Variants in ITPRID1 observed in about 807,000 individuals in gnomAD.
ITPRID1 encodes ITPR interacting domain containing 1, also known as protein ITPRID1.
In ITPRID1, 96 loss-of-function variants were observed where a neutral mutation model predicts 95.4. The observed-to-expected ratio is 1.01, with a 90% CI of 0.85 to 1.19. The LOEUF is 1.19. Among genes scored for constraint, ITPRID1 ranks in the 50% most tolerant of loss-of-function variants. The pLI is 0.00. For missense variants in ITPRID1, 1,339 were observed against 1,252.9 expected, an observed-to-expected ratio of 1.07 and a Z score of -1.04; for synonymous variants, 510 against 453.6, an observed-to-expected ratio of 1.12 and a Z score of -1.58.
At chr7:31,614,824 T>A (rs913678989) in intron 10 of ITPRID1, among the ~76,000 whole-genome samples, 1 of 152,116 alleles carries the variant, frequency 6.6e-6, no homozygotes, top group East Asian at 1.9e-4. Context: ...TTGAAATTAC[T>A]TCAGAAACAG....
chr7:31,621,088 C>T (rs1787833565), intron 10 of ITPRID1, among the ~76,000 whole-genome samples: 2 of 151,840 alleles, frequency 1.3e-5, no homozygotes, highest in Admixed American at 6.6e-5. Context: ...GCAAAGCCTC[C>T]AAGAAATATG....
chr7:31,574,804 C>A, intron 8 of ITPRID1, 62 bp downstream of exon 8: 1 of 1,442,858 alleles, frequency 6.9e-7, no homozygotes, highest in Non-Finnish European at 9.7e-7. Context: ...AGGTGGGCCA[C>A]AGTGTAGGCG....
chr7:31,531,331 T>G (rs10232788), intron 1 of ITPRID1, among the ~76,000 whole-genome samples: 88,504 of 151,726 alleles, frequency 0.58, 26,939 homozygotes, highest in Middle Eastern at 0.71. Context: ...GAGTACAAAA[T>G]AAAATATTTT....
At chr7:31,586,525 C>G (rs12333865) in intron 10 of ITPRID1, among the ~76,000 whole-genome samples, 2 of 150,626 alleles carry the variant, frequency 1.3e-5, no homozygotes, top group African/African-American at 4.9e-5. Flanking sequence ...TTTTAATGAT[C>G]GCCATTCTAA....
intron 1 of ITPRID1, among the ~76,000 whole-genome samples, chr7:31,534,499 G>A (rs1783698186): frequency 6.6e-6 from 1 of 152,044 alleles, no homozygotes; most frequent in South Asian, 2.1e-4. Flanking sequence ...CTTTTGTTAT[G>A]ATAACATTGC....
At chr7:31,560,509 G>T (rs1784589041) in intron 5 of ITPRID1, among the ~76,000 whole-genome samples, 1 of 152,210 alleles carries the variant, frequency 6.6e-6, no homozygotes, top group South Asian at 2.1e-4. Flanking sequence ...CAGTAATCCA[G>T]AGGAGAGAGG....
chr7:31,644,544 G>A lies in ITPRID1; in HGVS notation c.2583+591G>A, dbSNP rs546345432. On this transcript the variant is annotated intron_variant, in intron 12 of 14. Coordinates refer to ENST00000615280, the MANE Select transcript of ITPRID1 (RefSeq NM_001257967.3). ...GACTGTTTTACATTGTTCAGGTCTTGAACTTAGAGCTTCCCACGTCAAATA... is the reference window on the plus strand; with the variant it reads ...GACTGTTTTACATTGTTCAGGTCTTAAACTTAGAGCTTCCCACGTCAAATA... Among the ~76,000 whole-genome samples, 3 of 152,266 alleles carry A rather than the reference G, an allele frequency of 2.0e-5. No individual in the cohort carries two copies. The South Asian group carries it at 6.2e-4, about 32-fold the overall frequency.
intron 10 of ITPRID1, among the ~76,000 whole-genome samples, chr7:31,617,602 T>C (rs533791907): frequency 5.9e-5 from 9 of 152,040 alleles, no homozygotes; most frequent in African/African-American, 2.2e-4. Flanking sequence ...ACAGCAGCTC[T>C]TTAGAGACAA....
At chr7:31,617,608 G>A (rs1787381262) in intron 10 of ITPRID1, among the ~76,000 whole-genome samples, 1 of 151,038 alleles carries the variant, frequency 6.6e-6, no homozygotes, top group South Asian at 2.1e-4. Flanking sequence ...GCTCTTTAGA[G>A]ACAACTTTTA....
intron 5 of ITPRID1, 190 bp downstream of exon 5, chr7:31,555,091 A>G (rs970215388): frequency 3.6e-5 from 20 of 561,218 alleles, no homozygotes; most frequent in African/African-American, 3.4e-4. Flanking sequence ...CTTCCCCAGC[A>G]GCAGGTTAAG....
intron 1 of ITPRID1, among the ~76,000 whole-genome samples, chr7:31,522,589 A>G (rs1394019029): frequency 6.6e-6 from 1 of 152,190 alleles, no homozygotes; most frequent in Non-Finnish European, 1.5e-5. Context: ...CATTCTTTCG[A>G]GGATCCTTTT....
At chr7:31,535,000 T>C (rs921413019) in intron 1 of ITPRID1, among the ~76,000 whole-genome samples, 5 of 152,140 alleles carry the variant, frequency 3.3e-5, no homozygotes, top group Non-Finnish European at 7.4e-5. Flanking sequence ...TCTACAATGA[T>C]GGAAACATTC....
intron 10 of ITPRID1, among the ~76,000 whole-genome samples, chr7:31,590,283 G>A (rs1297569010): frequency 6.6e-6 from 1 of 152,106 alleles, no homozygotes; most frequent in Non-Finnish European, 1.5e-5. Context: ...GAATTAGTAA[G>A]AGACAGACTG....
chr7:31,525,696 G>A (rs1375003166), intron 1 of ITPRID1, among the ~76,000 whole-genome samples: 1 of 152,076 alleles, frequency 6.6e-6, no homozygotes, highest in Non-Finnish European at 1.5e-5. Flanking sequence ...AACTCTAAGG[G>A]GGGAAATACA....
chr7:31,631,183 A>G (rs1788957407), intron 10 of ITPRID1, among the ~76,000 whole-genome samples: 1 of 152,226 alleles, frequency 6.6e-6, no homozygotes, highest in Admixed American at 6.5e-5. Context: ...GCGGAAGAGC[A>G]GATAAAAAAA....
At chr7:31,650,673 A>G (rs1331343946) in intron 12 of ITPRID1, among the ~76,000 whole-genome samples, 1 of 152,172 alleles carries the variant, frequency 6.6e-6, no homozygotes, top group Non-Finnish European at 1.5e-5. Flanking sequence ...AGACTAATAA[A>G]CATTATTCTA....
chr7:31,642,691 T>G lies in ITPRID1; in HGVS notation c.1321T>G (p.Leu441Val), dbSNP rs1217059723. 1.2e-6 allele frequency: 2 copies of G among 1,613,248 alleles called. No individual in the cohort carries two copies. Among genetic ancestry groups the G allele is most frequent in the East Asian group, 4.5e-5 (2 of 44,862 alleles). ...LEPLPLQMPS[L>V]PNSQSPAENG... ...CTGGTTTCCCCTACAGATGCCTTCC[T>G]TGCCAAACAGCCAGAGTCCTGCTGA... The change falls in exon 12 of 15, where the codon TTG (leucine) becomes GTG (valine). Residue 441 changes from leucine (L) to valine (V), a missense_variant. Coordinates refer to ENST00000615280, the MANE Select transcript of ITPRID1 (RefSeq NM_001257967.3).
rs186047027 is a variant in ITPRID1, at chr7:31,609,448, G to A, written c.1228+26257G>A. Among the ~76,000 whole-genome samples, 434 of 151,614 alleles carry A rather than the reference G, an allele frequency of 2.9e-3. 1 individual carries two copies. The highest frequency in any genetic ancestry group is 1.0e-2 in the African/African-American group (414 of 41,464). On this transcript the variant is annotated intron_variant, in intron 10 of 14. Coordinates refer to ENST00000615280, the MANE Select transcript of ITPRID1 (RefSeq NM_001257967.3). ...ATCTGGGCCTGAAATTTTCTTTGTG[G>A]ACTGTTTTAAAATTTCTAATTAAAT...
intron 1 of ITPRID1, among the ~76,000 whole-genome samples, chr7:31,529,160 G>C (rs756806264): frequency 6.6e-6 from 1 of 152,160 alleles, no homozygotes; most frequent in Non-Finnish European, 1.5e-5. Context: ...GGGTTCAGGA[G>C]TATGTATGTG....
Sources: allele counts gnomAD v4.1 joint callset (sites outside exome capture counted in the v4.1 genomes callset), GRCh38; gene constraint gnomAD v4.1.1; transcripts MANE v1.5; gene names NCBI Gene and HGNC (gene_info 2026-07-23, HGNC 2026-07-21).